REPS2: variants seen among roughly 807,000 people sequenced by gnomAD.
REPS2 encodes ralBP1-associated Eps domain-containing protein 2.
In REPS2, 23 loss-of-function variants were observed where a neutral mutation model predicts 53.6. The observed-to-expected ratio is 0.43, with a 90% CI of 0.31 to 0.61. The LOEUF (loss-of-function observed/expected upper bound fraction) is 0.61, where lower values mean the gene tolerates loss of function less well. REPS2 is among the 20% of genes least tolerant of loss of function. REPS2 has a pLI of 0.11. For missense variants in REPS2, 446 were observed against 534.9 expected (o/e 0.83, Z 1.64); for synonymous variants, 238 against 218.6 (o/e 1.09, Z -0.78).
At chrX:17,169,593 G>A in the REPS2 span, among the ~76,000 whole-genome samples, 1 of 111,580 alleles carries the variant, frequency 9.0e-6, no homozygotes, top group Non-Finnish European at 1.9e-5. Flanking sequence ...GAGGTGGGAG[G>A]ATTGCTTGAG....
At chrX:17,022,559 T>A (rs1350128979) in intron 3 of REPS2, among the ~76,000 whole-genome samples, 1 of 112,606 alleles carries the variant, frequency 8.9e-6, no homozygotes, top group Non-Finnish European at 1.9e-5. Context: ...AGTGGTTTTC[T>A]AAATGGATTC....
intron 2 of REPS2, among the ~76,000 whole-genome samples, chrX:17,014,119 G>T (rs2061461200): frequency 8.9e-6 from 1 of 112,035 alleles, no homozygotes; most frequent in South Asian, 3.8e-4. Context: ...AATGTCAGGG[G>T]TTTCTGGACC....
At chrX:17,121,501 G>C (rs5924599) in intron 14 of REPS2, among the ~76,000 whole-genome samples, 34,604 of 111,139 alleles carry the variant, frequency 0.31, 4,894 homozygotes, top group Middle Eastern at 0.53. Context: ...AGGATTCTAC[G>C]TGCCAGGCAA....
intron 14 of REPS2, among the ~76,000 whole-genome samples, chrX:17,113,697 C>T (rs1328321292): frequency 9.0e-6 from 1 of 110,940 alleles, no homozygotes; most frequent in Non-Finnish European, 1.9e-5. Flanking sequence ...AGGAAATGGC[C>T]ATAGTGATAA....
intron 13 of REPS2, among the ~76,000 whole-genome samples, chrX:17,102,028 TTTATG>T (rs778594430): frequency 0.059 from 5,574 of 95,218 alleles, 195 homozygotes; most frequent in Non-Finnish European, 0.081. Flanking sequence ...TTTATTTTAT[TTTATG>T]TTATGTTATG....
At chrX:17,052,478 C>A (rs766821210) in intron 7 of REPS2, 33 bp downstream of exon 7, 6 of 1,063,053 alleles carry the variant, frequency 5.6e-6, no homozygotes, top group Non-Finnish European at 6.5e-6. Context: ...GACATTCATA[C>A]CATCATCCAT....
chrX:17,071,662 G>GT (rs1249909257), intron 11 of REPS2, among the ~76,000 whole-genome samples: 5 of 111,521 alleles, frequency 4.5e-5, no homozygotes, highest in Non-Finnish European at 5.7e-5. Context: ...ATTCCCAGTG[G>GT]GAGACACAAG....
intron 13 of REPS2, among the ~76,000 whole-genome samples, chrX:17,102,217 G>A (rs2148056981): frequency 9.0e-6 from 1 of 110,786 alleles, no homozygotes; most frequent in Non-Finnish European, 1.9e-5. Flanking sequence ...AAGTAGCTGG[G>A]ACTACAGGTG....
chrX:17,083,879 GT>G (rs998637263), intron 13 of REPS2, among the ~76,000 whole-genome samples: 2 of 108,543 alleles, frequency 1.8e-5, no homozygotes, highest in Non-Finnish European at 3.8e-5. Flanking sequence ...GTTTTGTTTT[GT>G]TTTTTTGTTT....
At chrX:16,964,818 G>A (rs2060718521) in intron 1 of REPS2, among the ~76,000 whole-genome samples, 3 of 77,574 alleles carry the variant, frequency 3.9e-5, no homozygotes, top group African/African-American at 1.5e-4. Flanking sequence ...CGGACGGGGC[G>A]GCTGGCCGGG....
chrX:17,089,105 A>C (rs925948946), intron 13 of REPS2, among the ~76,000 whole-genome samples: 1 of 111,607 alleles, frequency 9.0e-6, no homozygotes, highest in African/African-American at 3.3e-5. Flanking sequence ...GTTTCCTTCT[A>C]TGTGATTTAA....
the REPS2 span, among the ~76,000 whole-genome samples, chrX:17,171,928 G>C: frequency 5.4e-5 from 6 of 111,299 alleles, no homozygotes; most frequent in African/African-American, 2.0e-4. Context: ...ATGGGAGGTT[G>C]GTTAATAATA....
intron 14 of REPS2, among the ~76,000 whole-genome samples, chrX:17,118,323 G>C (rs1187392603): frequency 9.0e-6 from 1 of 110,929 alleles, no homozygotes; most frequent in Non-Finnish European, 1.9e-5. Flanking sequence ...ACTCTCAGCT[G>C]CCTCTGTCTG....
rs757248063 is a variant in REPS2 at position 17,054,957 on chromosome X, C to A, written c.1114+7C>A. 8.3e-6 allele frequency: 10 copies of A among 1,204,583 alleles called. No homozygotes were observed. In the African/African-American group the frequency reaches 1.1e-4, roughly 13 times the overall value. ...CCAGAATACCTGCAGGCAGGTAAGGCCTCACCATCAACTGTAAACCTTAAG... is the reference window on the plus strand; with the variant it reads ...CCAGAATACCTGCAGGCAGGTAAGGACTCACCATCAACTGTAAACCTTAAG... On this transcript the variant is annotated splice_region_variant and intron_variant, in intron 8 of 17. Coordinates refer to ENST00000357277, the MANE Select transcript of REPS2 (RefSeq NM_004726.3).
chrX:17,109,519 A>G (rs1306378704), intron 14 of REPS2, among the ~76,000 whole-genome samples: 1 of 111,115 alleles, frequency 9.0e-6, no homozygotes, highest in Non-Finnish European at 1.9e-5. Flanking sequence ...AGCTTAGGGG[A>G]TGTACTCAGA....
intron 1 of REPS2, among the ~76,000 whole-genome samples, chrX:16,950,338 A>G (rs58772375): frequency 7.4e-4 from 83 of 112,160 alleles, no homozygotes; most frequent in African/African-American, 2.5e-3. Flanking sequence ...AGCTGTTATA[A>G]ACATCTGTAT....
At chrX:16,951,723 A>G (rs1479293189) in intron 1 of REPS2, among the ~76,000 whole-genome samples, 1 of 111,571 alleles carries the variant, frequency 9.0e-6, no homozygotes, top group Non-Finnish European at 1.9e-5. Flanking sequence ...CTCATAAAAT[A>G]AATAAGTAAA....
At chrX:17,010,615 G>A (rs2061416786) in intron 2 of REPS2, among the ~76,000 whole-genome samples, 1 of 111,671 alleles carries the variant, frequency 9.0e-6, no homozygotes, top group South Asian at 3.8e-4. Flanking sequence ...TGTGTAAGGG[G>A]GAGGGAAGAG....
chrX:17,178,248 C>A, the REPS2 span, among the ~76,000 whole-genome samples: 4 of 111,881 alleles, frequency 3.6e-5, no homozygotes, highest in African/African-American at 1.3e-4. Flanking sequence ...CACTTACCTC[C>A]GGGGCTTTGT....
Sources: allele counts gnomAD v4.1 joint callset (sites outside exome capture counted in the v4.1 genomes callset), GRCh38; gene constraint gnomAD v4.1.1; transcripts MANE v1.5; gene names NCBI Gene and HGNC (gene_info 2026-07-23, HGNC 2026-07-21).